CHRNB1: variants seen among roughly 807,000 people sequenced by gnomAD.
CHRNB1 encodes the protein acetylcholine receptor subunit beta.
CHRNB1 carries 47 observed loss-of-function variants against 53.8 expected under a neutral mutation model. The ratio of observed to expected loss-of-function variants is 0.87; its 90% confidence interval spans 0.69 to 1.11. The LOEUF (loss-of-function observed/expected upper bound fraction) is 1.11. CHRNB1 is among the 50% of genes most tolerant of loss of function. CHRNB1 has a pLI of 0.00. For missense variants in CHRNB1, 605 were observed against 654.9 expected (o/e 0.92, Z 0.83); for synonymous variants, 259 against 263.5 (o/e 0.98, Z 0.16).
At chr17:7,447,843 C>T (rs927625263) in intron 6 of CHRNB1, among the ~76,000 whole-genome samples, 193 bp downstream of exon 6, 7 of 151,982 alleles carry the variant, frequency 4.6e-5, no homozygotes, top group African/African-American at 1.2e-4. Context: ...TTTGGGAAGC[C>T]GAGGCGGGCG....
chr17:7,447,025 G>A lies in CHRNB1; in HGVS notation c.354-18G>A. 1 of 1,612,688 alleles carries A rather than the reference G, an allele frequency of 6.2e-7. No individual in the cohort carries two copies. ...CCGGGCGCGGGGCCTGATCCCTGAT[G>A]AGATCCCTTCTCTGCAGCAATGATG... On this transcript the variant is annotated intron_variant, in intron 4 of 10. Transcript: ENST00000306071.
chr17:7,454,296 G>A lies in CHRNB1; in HGVS notation c.821-1G>A. 6.2e-7 allele frequency: 1 copy of A among 1,612,882 alleles called. No individual in the cohort carries two copies. The highest frequency in any genetic ancestry group is 8.5e-7 in the Non-Finnish European group (1 of 1,178,882). On this transcript the variant is annotated splice_acceptor_variant, in intron 7 of 10. Coordinates refer to ENST00000306071, the MANE Select transcript of CHRNB1 (RefSeq NM_000747.3). LOFTEE classifies it high-confidence loss of function. The stretch of plus-strand genomic sequence containing the variant: ...TTCTCTCTTCCCCTCTGCCCTCCAA[G>A]GAGAGAAGATGGGGCTCTCAATCTT...
In CHRNB1 at chr17:7,447,580, C is replaced by G; in HGVS notation, c.540C>G (p.Ser180Arg). The change falls in exon 6 of 11, where the codon AGC becomes AGG. Residue 180 changes from serine (S) to arginine (R), a missense_variant. Transcript: ENST00000306071. ...SSYSYDSSEV[S>R]LQTGLGPDGQ... is the part of the protein sequence containing the mutation. ...ACAGCTACGACAGCTCGGAGGTCAG[C>G]CTGCAGACAGGCCTGGGTCCTGACG... 3 of 1,614,202 alleles carry G rather than the reference C, an allele frequency of 1.9e-6. No individual in the cohort carries two copies. Among genetic ancestry groups the G allele is most frequent in the Non-Finnish European group, 2.5e-6 (3 of 1,180,032 alleles).
At chr17:7,449,261 G>A (rs565853616) in intron 7 of CHRNB1, among the ~76,000 whole-genome samples, 89 of 151,708 alleles carry the variant, frequency 5.9e-4, no homozygotes, top group African/African-American at 1.9e-3. Flanking sequence ...CCGCCACCAC[G>A]CCCGGCTAAT....
chr17:7,447,651 G>A lies in CHRNB1; in HGVS notation c.610+1G>A, dbSNP rs1908696985. 1.2e-6 allele frequency: 2 copies of A among 1,614,184 alleles called. No homozygotes were observed. The highest frequency in any genetic ancestry group is 1.7e-6 in the Non-Finnish European group (2 of 1,180,030). On this transcript the variant is annotated splice_donor_variant, in intron 6 of 10. Transcript: ENST00000306071. LOFTEE classifies it high-confidence loss of function. ...CACATTCATGAAGGGACTTTCATTG[G>A]TGAGTAGGCATGGCTCCTACATCCA...
intron 7 of CHRNB1, among the ~76,000 whole-genome samples, chr17:7,452,392 C>T (rs188798765): frequency 2.0e-5 from 3 of 152,180 alleles, no homozygotes; most frequent in East Asian, 1.9e-4. Context: ...TCTGGCTGCT[C>T]GGTTGAGAAC....
At chr17:7,456,277 C>T (rs2069950146) in intron 10 of CHRNB1, among the ~76,000 whole-genome samples, 1 of 152,076 alleles carries the variant, frequency 6.6e-6, no homozygotes, top group African/African-American at 2.4e-5. Context: ...TGGTCTGAAA[C>T]TCCTGACCTC....
At chr17:7,454,249 T>A (rs1380921256) in intron 7 of CHRNB1, 48 bp from the exon 8 acceptor site, 2 of 1,466,266 alleles carry the variant, frequency 1.4e-6, no homozygotes, top group Non-Finnish European at 1.9e-6. Context: ...CCATAGAGCT[T>A]TCCTTCAGGC....
At chr17:7,449,420 T>A (rs138357938) in intron 7 of CHRNB1, among the ~76,000 whole-genome samples, 21,497 of 143,332 alleles carry the variant, frequency 0.15, 1,419 homozygotes, top group South Asian at 0.21. Context: ...TTTTTTTTTT[T>A]TTTTTGAGAC....
In CHRNB1 at chr17:7,454,429, T is replaced by G. The variant is rs1277064802; in HGVS notation, c.953T>G (p.Leu318Arg). The change falls in exon 8 of 11, where the codon CTC becomes CGC. Residue 318 changes from leucine (L) to arginine (R), a missense_variant. Physicochemically the swap from Leu to Arg is moderately radical, Grantham distance 102 (BLOSUM62 -2). Transcript: ENST00000306071. The stretch of plus-strand genomic sequence containing the variant: ...AAGTACCTCATGTTTACCATGGTCC[T>G]CGTCACCTTCTCAGTCATCCTTAGT... The part of the protein sequence containing the change: ...IIKYLMFTMV[L>R]VTFSVILSVV... The G allele has an allele frequency of 6.2e-7, 1 of 1,614,124 alleles. No individual in the cohort carries two copies. Among genetic ancestry groups the G allele is most frequent in the South Asian group, 1.1e-5 (1 of 91,082 alleles).
chr17:7,452,148 C>T (rs539999837), intron 7 of CHRNB1, among the ~76,000 whole-genome samples: 41 of 151,810 alleles, frequency 2.7e-4, no homozygotes, highest in South Asian at 2.1e-4. Flanking sequence ...CTCCGCCTCC[C>T]GGGTTCAAGC....
At position 7,446,868 on chromosome 17, in the gene CHRNB1, G is replaced by A; in HGVS notation, c.279G>A (p.Ala93=). 1.2e-6 allele frequency: 2 copies of A among 1,614,034 alleles called. No individual in the cohort carries two copies. Among genetic ancestry groups the A allele is most frequent in the Non-Finnish European group, 8.5e-7 (1 of 1,180,032 alleles). The change falls in exon 4 of 11, where the codon GCG becomes GCA. Residue 93 remains alanine (A), a synonymous_variant. Coordinates refer to ENST00000306071, the MANE Select transcript of CHRNB1 (RefSeq NM_000747.3). The part of the protein sequence containing the change: ...WTDYRLSWDP[A]EHDGIDSLRI... ...ACTACAGGCTGAGCTGGGACCCTGC[G>A]GAGCACGACGGCATCGATTCGCTCC...
At chr17:7,450,065 A>AAAT (rs895438036) in intron 7 of CHRNB1, among the ~76,000 whole-genome samples, 39 of 150,604 alleles carry the variant, frequency 2.6e-4, no homozygotes, top group Non-Finnish European at 3.0e-4. Flanking sequence ...ATAAATAAAT[A>AAAT]AATAAATAAA....
Position 7,446,619 on chromosome 17 carries a change from T to G in CHRNB1, c.244-214T>G, listed in dbSNP as rs1332889476. 3 of 595,066 alleles carry G rather than the reference T, an allele frequency of 5.0e-6. No individual in the cohort carries two copies. In the East Asian group the frequency reaches 8.3e-5, roughly 17 times the overall value. 36.9% of individuals were successfully genotyped at this position (595,066 alleles called of 1,614,324 possible). ...CTGCAGCCTCCTCATTTTTACAGAG[T>G]AAAATATTGAAACCCGGTGCGGGGG... On this transcript the variant is annotated intron_variant, in intron 3 of 10. Transcript: ENST00000306071.
rs2069945390 is a variant in CHRNB1 at position 7,455,918 on chromosome 17, CAGGAACAGG to C, written c.1347_1355del (p.Glu449_Glu451del). On this transcript the variant is annotated inframe_deletion, in exon 10 of 11. Transcript: ENST00000306071. ...TATCAGCTACATCGCTCGACAGCTG[CAGGAACAGG>C]AGGACCACGATGCGGTATGTCCAAC... The C allele has an allele frequency of 6.2e-7, 1 of 1,613,982 alleles. No individual in the cohort carries two copies. The highest frequency in any genetic ancestry group is 8.5e-7 in the Non-Finnish European group (1 of 1,180,036).
intron 7 of CHRNB1, among the ~76,000 whole-genome samples, chr17:7,449,173 G>A (rs929230653): frequency 2.7e-5 from 4 of 147,502 alleles, no homozygotes; most frequent in African/African-American, 1.0e-4. Context: ...GTGCAATCTC[G>A]GCTCACTGCA....
At chr17:7,446,506 G>C (rs1908636612) in intron 3 of CHRNB1, 1 of 520,392 alleles carries the variant, frequency 1.9e-6, no homozygotes, top group Non-Finnish European at 3.5e-6. Context: ...TCTAATTTTT[G>C]AAACACTGGT....
At chr17:7,447,226 G>A (rs1239893308) in intron 5 of CHRNB1, 75 bp downstream of exon 5, 12 of 1,203,286 alleles carry the variant, frequency 1.0e-5, no homozygotes, top group African/African-American at 1.5e-5. Context: ...TGACTCCCCG[G>A]CGACTCCCAT....
Position 7,446,085 on chromosome 17 carries a change from A to T in CHRNB1, c.215A>T (p.Glu72Val). The change falls in exon 3 of 11, where the codon GAG (glutamate) becomes GTG (valine). Residue 72 changes from glutamate to valine, a missense_variant. Physicochemically the swap from Glu to Val is moderately radical, Grantham distance 121 (BLOSUM62 -2). Coordinates refer to ENST00000306071, the MANE Select transcript of CHRNB1 (RefSeq NM_000747.3). ...CCCTTCTAGAACGAGAAGGATGAAG[A>T]GATGAGCACAAAGGTGTACTTAGAC... ...QLISLNEKDE[E>V]MSTKVYLDLE... 1 of 1,614,086 alleles carries T rather than the reference A, an allele frequency of 6.2e-7. No individual in the cohort carries two copies. Among genetic ancestry groups the T allele is most frequent in the Non-Finnish European group, 8.5e-7 (1 of 1,179,958 alleles).
Sources: gnomAD v4.1 joint callset for allele counts (sites outside exome capture counted in the v4.1 genomes callset) on GRCh38, gnomAD v4.1.1 for gene constraint, MANE v1.5 for transcripts, NCBI Gene and HGNC (gene_info 2026-07-23, HGNC 2026-07-21) for gene names.